C12orf57: variants seen among roughly 807,000 people sequenced by gnomAD.
The protein encoded by C12orf57 is protein C10.
In C12orf57, 14 loss-of-function variants were observed where a neutral mutation model predicts 11.3. That is an observed-to-expected ratio of 1.24 (90% CI 0.82 to 1.94). C12orf57 has a LOEUF of 1.94. C12orf57 is among the 30% of genes most tolerant of loss of function. The pLI is 0.00. For missense variants in C12orf57, 229 were observed against 172.4 expected (o/e 1.33, Z -1.84); for synonymous variants, 100 against 74.6 (o/e 1.34, Z -1.76).
In C12orf57 at chr12:6,944,465, C is replaced by T. The variant is rs782510857; in HGVS notation, c.53-11C>T. 7 of 1,610,322 alleles carry T rather than the reference C, an allele frequency of 4.3e-6. No individual in the cohort carries two copies. The African/African-American group carries it at 5.3e-5, about 12-fold the overall frequency. On this transcript the variant is annotated splice_polypyrimidine_tract_variant and intron_variant, in intron 1 of 2. Coordinates refer to ENST00000229281, the MANE Select transcript of C12orf57 (RefSeq NM_138425.4). ...CCCGGGACGCCTCCCTGGGATGCTTCTGGCGCGCAGTGGTCCTCGCGGAGG... is the reference window on the plus strand; with the variant it reads ...CCCGGGACGCCTCCCTGGGATGCTTTTGGCGCGCAGTGGTCCTCGCGGAGG...
At chr12:6,944,397 C>A in intron 1 of C12orf57, 79 bp from the exon 2 acceptor site, 1 of 1,564,644 alleles carries the variant, frequency 6.4e-7, no homozygotes, top group East Asian at 2.4e-5. Flanking sequence ...CCACTAATTC[C>A]TTGCGCTCTC....
Position 6,945,977 on chromosome 12 carries a change from A to T in C12orf57, c.*55A>T. On this transcript the variant is annotated 3_prime_UTR_variant, in exon 3 of 3. Coordinates refer to ENST00000229281, the MANE Select transcript of C12orf57 (RefSeq NM_138425.4). ...GGGAGGAAAGGCCTTGATGTTCCAG[A>T]CAATAATAAATGCGCCTGTGACTTA... The T allele has an allele frequency of 6.4e-7, 1 of 1,564,944 alleles. No homozygotes were observed. Among genetic ancestry groups the T allele is most frequent in the Non-Finnish European group, 8.6e-7 (1 of 1,158,408 alleles).
At chr12:6,943,984 C>A (rs1285008169), upstream of C12orf57, 5 of 1,578,510 alleles carry the variant, frequency 3.2e-6, no homozygotes, top group Non-Finnish European at 3.4e-6. Context: ...AAGGTTTGGG[C>A]CACGCCTGGG....
chr12:6,944,551 C>T lies in C12orf57; in HGVS notation c.128C>T (p.Ala43Val). 5.0e-6 allele frequency: 8 copies of T among 1,614,128 alleles called. No individual in the cohort carries two copies. The highest frequency in any genetic ancestry group is 1.3e-5 in the African/African-American group (1 of 75,052). The change falls in exon 2 of 3, where the codon GCC (alanine) becomes GTC (valine). Residue 43 changes from alanine (A) to valine (V), a missense_variant. Physicochemically the swap from Ala to Val is moderately conservative, Grantham distance 64. Coordinates refer to ENST00000229281, the MANE Select transcript of C12orf57 (RefSeq NM_138425.4). ...AVRMDEARDN[A>V]CNDMGKMLQF... Reference sequence around the variant, plus strand: ...CGCATGGACGAGGCTCGGGATAACGCCTGCAACGACATGGGTAAGATGCTG... The same window carrying T: ...CGCATGGACGAGGCTCGGGATAACGTCTGCAACGACATGGGTAAGATGCTG...
rs1945716382 is a variant in C12orf57 at position 6,944,059 on chromosome 12, A to AC, written c.-62dup. ...CAGGGGCGTTGGGAACGGTTGTAGG[A>AC]CGTGGCTCTTTATTCGTGAGTTTTC... is the stretch of plus-strand genomic sequence containing the variant. On this transcript the variant is annotated 5_prime_UTR_variant, in exon 1 of 3. Coordinates refer to ENST00000229281, the MANE Select transcript of C12orf57 (RefSeq NM_138425.4). 5.0e-6 allele frequency: 8 copies of AC among 1,613,048 alleles called. No homozygotes were observed. The South Asian group carries it at 8.8e-5, about 18-fold the overall frequency.
upstream of C12orf57, chr12:6,943,935 G>GT (rs1213970020): frequency 3.2e-5 from 44 of 1,394,190 alleles, no homozygotes; most frequent in Non-Finnish European, 4.0e-5. Flanking sequence ...ATTATGGGTA[G>GT]TTTTGGTGGT....
rs1555145748 is a variant in C12orf57, at chr12:6,944,072, T to C, written c.-50T>C. On this transcript the variant is annotated 5_prime_UTR_variant, in exon 1 of 3. Coordinates refer to ENST00000229281, the MANE Select transcript of C12orf57 (RefSeq NM_138425.4). ...AACGGTTGTAGGACGTGGCTCTTTA[T>C]TCGTGAGTTTTCCATTTACCTCCGC... The C allele has an allele frequency of 2.5e-5, 41 of 1,613,828 alleles. No homozygotes were observed. The highest frequency in any genetic ancestry group is 3.5e-5 in the Non-Finnish European group (41 of 1,179,960).
upstream of C12orf57, chr12:6,943,665 A>G: frequency 7.8e-6 from 10 of 1,287,764 alleles, no homozygotes; most frequent in Non-Finnish European, 9.1e-6. Flanking sequence ...TGACTTAAGT[A>G]AGTTCCTTAG....
At position 6,945,765 on chromosome 12, in the gene C12orf57, T is replaced by G; in HGVS notation, c.230-6T>G. ...AGAAGGGTTGACCTTCCACTCCCTC[T>G]TGCAGGTGTCCTTAAGTTTGCTCGC... On this transcript the variant is annotated splice_region_variant and splice_polypyrimidine_tract_variant and intron_variant, in intron 2 of 2. Transcript: ENST00000229281. The G allele has an allele frequency of 6.2e-7, 1 of 1,613,418 alleles. No individual in the cohort carries two copies. The highest frequency in any genetic ancestry group is 1.7e-5 in the Admixed American group (1 of 59,890).
chr12:6,944,976 T>G, intron 2 of C12orf57: 1 of 848,926 alleles, frequency 1.2e-6, no homozygotes, highest in Non-Finnish European at 1.7e-6. Flanking sequence ...CACGAAATTG[T>G]TTTGTTTCAT....
At chr12:6,943,768 A>C (rs1041448953), upstream of C12orf57, 51 of 1,057,566 alleles carry the variant, frequency 4.8e-5, no homozygotes, top group African/African-American at 9.9e-5. Context: ...ACCCTCATCA[A>C]TTGTGGAGTT....
chr12:6,943,896 C>T (rs112796044), upstream of C12orf57: 2,588 of 1,089,942 alleles, frequency 2.4e-3, 17 homozygotes, highest in African/African-American at 0.014. Flanking sequence ...TGTTTGTTGC[C>T]AATGATAGAT....
At chr12:6,943,978 T>C (rs782342521), upstream of C12orf57, 419 of 1,574,484 alleles carry the variant, frequency 2.7e-4, 1 homozygote, top group African/African-American at 4.2e-3. Context: ...GGTATGAAGG[T>C]TTGGGCCACG....
rs781909815 is a variant in C12orf57 at position 6,944,062 on chromosome 12, T to C, written c.-60T>C. 6 of 1,613,318 alleles carry C rather than the reference T, an allele frequency of 3.7e-6. No homozygotes were observed. The highest frequency in any genetic ancestry group is 1.6e-4 in the Middle Eastern group (1 of 6,062). On this transcript the variant is annotated 5_prime_UTR_variant, in exon 1 of 3. Transcript: ENST00000229281. The stretch of plus-strand genomic sequence containing the variant: ...GGGCGTTGGGAACGGTTGTAGGACG[T>C]GGCTCTTTATTCGTGAGTTTTCCAT...
chr12:6,943,920 C>T (rs782063230), upstream of C12orf57: 102 of 1,288,380 alleles, frequency 7.9e-5, no homozygotes, highest in Middle Eastern at 2.5e-4. Flanking sequence ...TTTCACTGTG[C>T]AAAAATTATG....
intron 1 of C12orf57, 25 bp downstream of exon 1, chr12:6,944,198 T>TGGGCTGC: frequency 6.4e-7 from 1 of 1,565,940 alleles, no homozygotes. Context: ...AGTCAAGGCA[T>TGGGCTGC]AGGCTGCTGG....
upstream of C12orf57, chr12:6,943,992 G>T: frequency 6.3e-7 from 1 of 1,588,530 alleles, no homozygotes; most frequent in Non-Finnish European, 8.5e-7. Context: ...GGCCACGCCT[G>T]GGCGCTTCCG....
Position 6,944,071 on chromosome 12 carries a change from A to G in C12orf57, c.-51A>G. The G allele has an allele frequency of 6.2e-7, 1 of 1,613,532 alleles. No individual in the cohort carries two copies. ...GAACGGTTGTAGGACGTGGCTCTTT[A>G]TTCGTGAGTTTTCCATTTACCTCCG... On this transcript the variant is annotated 5_prime_UTR_variant, in exon 1 of 3. Coordinates refer to ENST00000229281, the MANE Select transcript of C12orf57 (RefSeq NM_138425.4).
intron 2 of C12orf57, among the ~76,000 whole-genome samples, chr12:6,945,365 T>C (rs1221394541): frequency 6.6e-6 from 1 of 151,510 alleles, no homozygotes; most frequent in African/African-American, 2.4e-5. Flanking sequence ...AATTTTTGTT[T>C]GGGGGGGGTT....
Sources: gnomAD v4.1 joint callset for allele counts (sites outside exome capture counted in the v4.1 genomes callset) on GRCh38, gnomAD v4.1.1 for gene constraint, MANE v1.5 for transcripts, NCBI Gene and HGNC (gene_info 2026-07-23, HGNC 2026-07-21) for gene names.